FAT3: variants seen among roughly 807,000 people sequenced by gnomAD.
FAT3 encodes protocadherin Fat 3.
In FAT3, 95 loss-of-function variants were observed where a neutral mutation model predicts 310.2. That is an observed-to-expected ratio of 0.31 (90% confidence interval 0.26 to 0.36). FAT3 has a LOEUF of 0.36. Among genes scored for constraint, FAT3 ranks in the 10% least tolerant of loss-of-function variants. The pLI is 1.00. For synonymous variants in FAT3, 2,314 were observed against 2,192.9 expected, an observed-to-expected ratio of 1.06 and a Z score of -1.54; for missense variants, 5,408 against 5,715.6, an observed-to-expected ratio of 0.95 and a Z score of 1.74.
At chr11:92,793,341 G>C (rs1404468170) in intron 9 of FAT3, among the ~76,000 whole-genome samples, 1 of 152,098 alleles carries the variant, frequency 6.6e-6, no homozygotes, top group East Asian at 1.9e-4. Flanking sequence ...GGCCTGCCAG[G>C]GTGTTCTGTG....
At chr11:92,460,403 A>G (rs1951604871) in intron 2 of FAT3, among the ~76,000 whole-genome samples, 1 of 152,188 alleles carries the variant, frequency 6.6e-6, no homozygotes, top group Non-Finnish European at 1.5e-5. Flanking sequence ...GCTCTAACCC[A>G]CAGGCGAACG....
At chr11:92,639,446 G>A (rs1371119184) in intron 3 of FAT3, among the ~76,000 whole-genome samples, 1 of 152,062 alleles carries the variant, frequency 6.6e-6, no homozygotes, top group Non-Finnish European at 1.5e-5. Context: ...GCACTGCAAT[G>A]TGGTTGTGAA....
At chr11:92,425,561 G>A (rs983356299) in intron 2 of FAT3, among the ~76,000 whole-genome samples, 5 of 151,798 alleles carry the variant, frequency 3.3e-5, no homozygotes, top group Non-Finnish European at 7.4e-5. Flanking sequence ...ACAGGCTCCA[G>A]TGTATGATAT....
chr11:92,594,709 T>C (rs1421362284), intron 3 of FAT3, among the ~76,000 whole-genome samples: 1 of 152,154 alleles, frequency 6.6e-6, no homozygotes, highest in Non-Finnish European at 1.5e-5. Flanking sequence ...TTATTAATTA[T>C]TCGTAACTCG....
At chr11:92,313,901 G>A (rs1034694396) in intron 1 of FAT3, among the ~76,000 whole-genome samples, 4 of 152,198 alleles carry the variant, frequency 2.6e-5, no homozygotes, top group African/African-American at 7.2e-5. Flanking sequence ...TTTACTGTGC[G>A]ATTTTGCAGA....
intron 2 of FAT3, among the ~76,000 whole-genome samples, chr11:92,514,214 A>C (rs1953401636): frequency 6.6e-6 from 1 of 152,172 alleles, no homozygotes; most frequent in Admixed American, 6.6e-5. Flanking sequence ...CATACAAATA[A>C]ATAAATACTT....
rs200949667 is a variant in FAT3 at position 92,585,026 on chromosome 11, TA to T, written c.3607+60087del. Among the ~76,000 whole-genome samples the T allele has an allele frequency of 1.9e-3, 284 of 150,596 alleles. 1 individual carries two copies. Among genetic ancestry groups the T allele is most frequent in the East Asian group, 0.014 (73 of 5,118 alleles). On this transcript the variant is annotated intron_variant, in intron 3 of 27. Transcript: ENST00000525166. ...CTTTCATTTTAGAAATGCTAACTGC[TA>T]AAAAAAAATGTAACATCCTGTGGCA...
intron 4 of FAT3, among the ~76,000 whole-genome samples, chr11:92,716,029 C>T (rs1397164206): frequency 1.3e-5 from 2 of 152,028 alleles, no homozygotes; most frequent in African/African-American, 4.8e-5. Flanking sequence ...GCATGATCAA[C>T]GTCATATACA....
chr11:92,724,070 C>G (rs1944933995), intron 4 of FAT3, among the ~76,000 whole-genome samples: 1 of 152,200 alleles, frequency 6.6e-6, no homozygotes, highest in Admixed American at 6.5e-5. Flanking sequence ...TTATTTAGCT[C>G]ACAGTGTTGT....
chr11:92,877,674 G>A (rs1026613581), intron 22 of FAT3, among the ~76,000 whole-genome samples: 1 of 152,144 alleles, frequency 6.6e-6, no homozygotes, highest in Non-Finnish European at 1.5e-5. Context: ...TGTGCTCAGA[G>A]CTTCTCATCA....
chr11:92,558,624 A>G (rs1955104939), intron 3 of FAT3, among the ~76,000 whole-genome samples: 1 of 151,926 alleles, frequency 6.6e-6, no homozygotes, highest in Non-Finnish European at 1.5e-5. Context: ...GTTTTGTTTT[A>G]TTTCTGTCCC....
intron 3 of FAT3, among the ~76,000 whole-genome samples, chr11:92,627,258 GTCTC>G (rs1410819314): frequency 1.3e-5 from 2 of 152,188 alleles, no homozygotes; most frequent in Non-Finnish European, 2.9e-5. Flanking sequence ...TGATTTCAGT[GTCTC>G]TCTATGAGCA....
intron 2 of FAT3, among the ~76,000 whole-genome samples, chr11:92,503,175 C>T (rs1322614893): frequency 1.3e-5 from 2 of 151,994 alleles, no homozygotes; most frequent in African/African-American, 2.4e-5. Flanking sequence ...AGTGTGGCAA[C>T]AAGAAAATTT....
intron 2 of FAT3, among the ~76,000 whole-genome samples, chr11:92,454,718 A>G (rs649542): frequency 0.88 from 133,657 of 152,166 alleles, 58,773 homozygotes; most frequent in Admixed American, 0.89. Context: ...AGACTTATTA[A>G]ATGGAACCAC....
intron 4 of FAT3, among the ~76,000 whole-genome samples, chr11:92,723,498 C>A (rs552516482): frequency 6.6e-6 from 1 of 152,300 alleles, no homozygotes; most frequent in African/African-American, 2.4e-5. Flanking sequence ...TTGTTCCAAC[C>A]TCTGCCTGTT....
At chr11:92,226,858 G>A (rs1472895161) in intron 1 of FAT3, among the ~76,000 whole-genome samples, 2 of 152,146 alleles carry the variant, frequency 1.3e-5, no homozygotes, top group Admixed American at 1.3e-4. Flanking sequence ...GAGGGACGCT[G>A]GGACCGCGGT....
At chr11:92,796,555 T>G (rs1318877912) in intron 9 of FAT3, among the ~76,000 whole-genome samples, 2 of 152,144 alleles carry the variant, frequency 1.3e-5, no homozygotes, top group African/African-American at 2.4e-5. Flanking sequence ...ATTTTAACAT[T>G]TAAATTATAT....
chr11:92,601,142 A>G lies in FAT3; in HGVS notation c.3607+76194A>G, dbSNP rs1940002388. On this transcript the variant is annotated intron_variant, in intron 3 of 27. Coordinates refer to ENST00000525166, the MANE Select transcript of FAT3 (RefSeq NM_001367949.2). ...TTTTTTTTTTTAAGTGGGGAGTGATATGAGTCAACTGTTTTTTAAAAGATT... is the reference window on the plus strand; with the variant it reads ...TTTTTTTTTTTAAGTGGGGAGTGATGTGAGTCAACTGTTTTTTAAAAGATT... Among the ~76,000 whole-genome samples the G allele has an allele frequency of 2.6e-5, 4 of 151,926 alleles. No individual in the cohort carries two copies. The South Asian group carries it at 8.3e-4, about 32-fold the overall frequency.
At chr11:92,494,086 A>C (rs1049585886) in intron 2 of FAT3, among the ~76,000 whole-genome samples, 1 of 149,116 alleles carries the variant, frequency 6.7e-6, no homozygotes. Flanking sequence ...TCACACTGCT[A>C]TAAAGAAATA....
Sources: allele counts gnomAD v4.1 joint callset (sites outside exome capture counted in the v4.1 genomes callset), GRCh38; gene constraint gnomAD v4.1.1; transcripts MANE v1.5; gene names NCBI Gene and HGNC (gene_info 2026-07-23, HGNC 2026-07-21).